ERBB4: variants seen among roughly 807,000 people sequenced by gnomAD.
ERBB4 encodes erb-b2 receptor tyrosine kinase 4.
ERBB4 carries 42 observed loss-of-function variants against 158.0 expected under a neutral mutation model. That is an observed-to-expected ratio of 0.27 (90% confidence interval 0.21 to 0.34). ERBB4 has a LOEUF of 0.34. Ranked by LOEUF, ERBB4 falls within the 10% of genes least tolerant of loss-of-function variation. The pLI, the probability that ERBB4 is intolerant of heterozygous loss-of-function variation, is 1.00. For synonymous variants in ERBB4, 583 were observed against 558.7 expected (o/e 1.04, Z -0.61); for missense variants, 1,333 against 1,624.1 (o/e 0.82, Z 3.08).
At chr2:212,528,150 C>T (rs1176756891) in intron 1 of ERBB4, among the ~76,000 whole-genome samples, 1 of 152,064 alleles carries the variant, frequency 6.6e-6, no homozygotes, top group Non-Finnish European at 1.5e-5. Flanking sequence ...CAAGTTTCTT[C>T]ATGTAGCTAT....
chr2:212,499,234 G>A (rs1462262478), intron 1 of ERBB4, among the ~76,000 whole-genome samples: 1 of 151,994 alleles, frequency 6.6e-6, no homozygotes, highest in Admixed American at 6.6e-5. Flanking sequence ...AAAACGGGAA[G>A]TGGTGAGACT....
chr2:212,262,033 A>G lies in ERBB4; in HGVS notation c.83-137130T>C, dbSNP rs575121887. Among the ~76,000 whole-genome samples, 128 of 152,328 alleles carry G rather than the reference A, an allele frequency of 8.4e-4. 1 individual carries two copies. The highest frequency in any genetic ancestry group is 3.4e-3 in the Middle Eastern group (1 of 294). On this transcript the variant is annotated intron_variant, in intron 1 of 27. Transcript: ENST00000342788. The stretch of plus-strand genomic sequence containing the variant: ...TACCAACATTATCACATATTCAATT[A>G]GAAATATCATAGTTTAAATTATTGA...
At chr2:212,479,398 G>T (rs1689571217) in intron 1 of ERBB4, among the ~76,000 whole-genome samples, 1 of 152,052 alleles carries the variant, frequency 6.6e-6, no homozygotes, top group Admixed American at 6.6e-5. Flanking sequence ...ATTAAACCAT[G>T]CTCTGAAACA....
Position 211,594,031 on chromosome 2 carries a change from C to T in ERBB4, c.2301+25146G>A, listed in dbSNP as rs183971120. 1.2e-4 allele frequency among the ~76,000 whole-genome samples: 18 copies of T among 152,282 alleles called. No individual in the cohort carries two copies. In the South Asian group the frequency reaches 3.3e-3, roughly 28 times the overall value. ...CCAATCCTACTTCCTACTGCCCAGC[C>T]ACAGCTGTTAATCCCAAAGTCATTC... On this transcript the variant is annotated intron_variant, in intron 19 of 27. Coordinates refer to ENST00000342788, the MANE Select transcript of ERBB4 (RefSeq NM_005235.3).
At chr2:212,426,082 G>A (rs1670782079) in intron 1 of ERBB4, among the ~76,000 whole-genome samples, 2 of 151,858 alleles carry the variant, frequency 1.3e-5, no homozygotes, top group Admixed American at 1.3e-4. Context: ...ATTTTACAAT[G>A]TCTGAACTTC....
chr2:212,191,170 A>C (rs1013376813), intron 1 of ERBB4, among the ~76,000 whole-genome samples: 7 of 152,126 alleles, frequency 4.6e-5, no homozygotes, highest in African/African-American at 1.7e-4. Flanking sequence ...ACTATATAAG[A>C]ATCATGGACA....
chr2:211,977,547 A>AAAAAAAAAAAAT (rs2081647062), intron 2 of ERBB4, among the ~76,000 whole-genome samples: 1 of 149,490 alleles, frequency 6.7e-6, no homozygotes, highest in Non-Finnish European at 1.5e-5. Flanking sequence ...AAAAAAAAAA[A>AAAAAAAAAAAAT]AGTAACTTGG....
chr2:211,694,608 A>C (rs1185886243), intron 12 of ERBB4, among the ~76,000 whole-genome samples: 1 of 151,478 alleles, frequency 6.6e-6, no homozygotes, highest in Non-Finnish European at 1.5e-5. Flanking sequence ...TACTCTAGTA[A>C]TTTTAAAAGG....
intron 25 of ERBB4, among the ~76,000 whole-genome samples, chr2:211,405,724 T>A (rs2063132881): frequency 6.6e-6 from 1 of 152,164 alleles, no homozygotes; most frequent in Non-Finnish European, 1.5e-5. Flanking sequence ...AAAATTTCTC[T>A]CAAAAAGGAT....
At chr2:211,774,136 GA>G (rs1456994119) in intron 4 of ERBB4, among the ~76,000 whole-genome samples, 1 of 151,078 alleles carries the variant, frequency 6.6e-6, no homozygotes, top group East Asian at 2.0e-4. Flanking sequence ...GCAATGGTGT[GA>G]TCTTGGCTCA....
intron 1 of ERBB4, among the ~76,000 whole-genome samples, chr2:212,241,908 A>C (rs965604551): frequency 6.6e-5 from 10 of 152,074 alleles, no homozygotes; most frequent in African/African-American, 2.4e-4. Context: ...TTTATTATAT[A>C]AGTAATAAAG....
intron 20 of ERBB4, among the ~76,000 whole-genome samples, chr2:211,529,508 G>C (rs1352109155): frequency 6.6e-6 from 1 of 152,040 alleles, no homozygotes; most frequent in Non-Finnish European, 1.5e-5. Context: ...TATGAGGCTA[G>C]TATTACACTG....
chr2:212,024,486 T>C (rs925855122), intron 2 of ERBB4, among the ~76,000 whole-genome samples: 5 of 151,566 alleles, frequency 3.3e-5, no homozygotes, highest in Non-Finnish European at 7.4e-5. Context: ...ACAGAAGTTC[T>C]AAGACAGAAA....
intron 11 of ERBB4, among the ~76,000 whole-genome samples, chr2:211,703,286 T>C (rs2073319267): frequency 6.6e-6 from 1 of 152,194 alleles, no homozygotes; most frequent in African/African-American, 2.4e-5. Context: ...AAAAGTTGTT[T>C]ATATACAGCA....
intron 1 of ERBB4, among the ~76,000 whole-genome samples, chr2:212,289,657 A>G (rs1324498273): frequency 1.3e-5 from 2 of 152,180 alleles, no homozygotes; most frequent in Non-Finnish European, 2.9e-5. Context: ...CTATATGAGT[A>G]TCTGAGGGCA....
chr2:211,488,191 CA>C (rs1327757259), intron 20 of ERBB4, among the ~76,000 whole-genome samples: 2 of 152,164 alleles, frequency 1.3e-5, no homozygotes, highest in East Asian at 3.9e-4. Context: ...CCAGCATGTA[CA>C]CTTCCAATAC....
At position 212,124,762 on chromosome 2, in the gene ERBB4, G is replaced by T; in HGVS notation, c.224C>A (p.Ser75Tyr). 6.2e-7 allele frequency: 1 copy of T among 1,614,150 alleles called. No individual in the cohort carries two copies. Among genetic ancestry groups the T allele is most frequent in the East Asian group, 2.2e-5 (1 of 44,886 alleles). Reference sequence around the variant, plus strand: ...AAGCCACAGCTTTACCCGCAGGAAGGAGAGGTCCCGGTTGTGCTCAATGCT... The same window carrying T: ...AAGCCACAGCTTTACCCGCAGGAAGTAGAGGTCCCGGTTGTGCTCAATGCT... The part of the protein sequence containing the change: ...ITSIEHNRDL[S>Y]FLRSVREVTG... The change falls in exon 2 of 28, where the codon TCC (serine) becomes TAC (tyrosine). Residue 75 changes from serine to tyrosine, a missense_variant. Coordinates refer to ENST00000342788, the MANE Select transcript of ERBB4 (RefSeq NM_005235.3).
intron 6 of ERBB4, among the ~76,000 whole-genome samples, chr2:211,723,699 T>C (rs879394891): frequency 1.2e-4 from 19 of 152,172 alleles, no homozygotes; most frequent in Non-Finnish European, 2.1e-4. Context: ...TTTATGGTTA[T>C]AAAATTTCAT....
intron 1 of ERBB4, among the ~76,000 whole-genome samples, chr2:212,340,491 T>C (rs2088655406): frequency 1.3e-5 from 2 of 152,300 alleles, no homozygotes; most frequent in East Asian, 3.9e-4. Flanking sequence ...AACTGCATGG[T>C]CCCATCTGGG....
Sources: gnomAD v4.1 joint callset for allele counts (sites outside exome capture counted in the v4.1 genomes callset) on GRCh38, gnomAD v4.1.1 for gene constraint, MANE v1.5 for transcripts, NCBI Gene and HGNC (gene_info 2026-07-23, HGNC 2026-07-21) for gene names.